TENM4: variants seen among roughly 807,000 people sequenced by gnomAD.
TENM4 encodes the protein teneurin transmembrane protein 4.
Under a neutral mutation model 243.3 loss-of-function variants are expected in TENM4, and 82 were observed. The ratio of observed to expected loss-of-function variants is 0.34; its 90% confidence interval spans 0.28 to 0.40. The LOEUF is 0.40. Ranked by LOEUF, TENM4 falls within the 10% of genes least tolerant of loss-of-function variation. TENM4 has a pLI of 1.00. For missense variants in TENM4, 3,138 were observed against 3,673.3 expected, an observed-to-expected ratio of 0.85 and a Z score of 3.77; for synonymous variants, 1,412 against 1,456.3, an observed-to-expected ratio of 0.97 and a Z score of 0.69.
At chr11:78,956,187 C>T (rs1857203906) in intron 6 of TENM4, among the ~76,000 whole-genome samples, 1 of 152,042 alleles carries the variant, frequency 6.6e-6, no homozygotes, top group Non-Finnish European at 1.5e-5. Context: ...ATACACAGGG[C>T]ACTGTGCTCA....
At chr11:79,141,505 T>C (rs188708369) in intron 4 of TENM4, among the ~76,000 whole-genome samples, 1 of 152,170 alleles carries the variant, frequency 6.6e-6, no homozygotes, top group Non-Finnish European at 1.5e-5. Flanking sequence ...ATAAAAAGTC[T>C]CTCAGCAAAG....
chr11:78,945,176 A>G (rs900850563), intron 6 of TENM4, among the ~76,000 whole-genome samples: 1 of 152,212 alleles, frequency 6.6e-6, no homozygotes, highest in African/African-American at 2.4e-5. Flanking sequence ...TATTTTTACA[A>G]ATTGAAGGTT....
At chr11:79,047,713 C>T (rs138495350) in intron 6 of TENM4, among the ~76,000 whole-genome samples, 3 of 152,040 alleles carry the variant, frequency 2.0e-5, no homozygotes, top group Non-Finnish European at 4.4e-5. Flanking sequence ...CGGAGTCAGG[C>T]GGGTATCTGT....
chr11:79,276,311 C>A (rs1268945089), intron 2 of TENM4, among the ~76,000 whole-genome samples: 1 of 152,254 alleles, frequency 6.6e-6, no homozygotes, highest in Non-Finnish European at 1.5e-5. Flanking sequence ...ACACTCTGCT[C>A]ACCCAGCCTT....
chr11:79,034,892 C>T (rs1358322776), intron 6 of TENM4, among the ~76,000 whole-genome samples: 1 of 152,160 alleles, frequency 6.6e-6, no homozygotes, highest in Non-Finnish European at 1.5e-5. Context: ...AGAACCTCTG[C>T]TCAAAACTGG....
At chr11:79,130,835 AC>A (rs1861988500) in intron 4 of TENM4, among the ~76,000 whole-genome samples, 2 of 152,140 alleles carry the variant, frequency 1.3e-5, no homozygotes, top group African/African-American at 2.4e-5. Context: ...AAAAGAAAAA[AC>A]AATCAAATTT....
intron 6 of TENM4, among the ~76,000 whole-genome samples, chr11:78,922,290 C>T (rs1233833369): frequency 6.6e-6 from 1 of 152,254 alleles, no homozygotes; most frequent in East Asian, 1.9e-4. Context: ...AGGAGGGCAG[C>T]CTATACCTTT....
intron 6 of TENM4, among the ~76,000 whole-genome samples, chr11:79,032,975 G>T (rs1859284767): frequency 1.3e-5 from 2 of 152,110 alleles, no homozygotes; most frequent in South Asian, 4.1e-4. Flanking sequence ...GGCTCAGCCA[G>T]AGAAGTGGGG....
intron 2 of TENM4, among the ~76,000 whole-genome samples, chr11:79,221,347 A>T (rs951295646): frequency 6.6e-6 from 1 of 151,410 alleles, no homozygotes; most frequent in Non-Finnish European, 1.5e-5. Flanking sequence ...TAGAATATGG[A>T]TTTTTTTTAA....
At chr11:78,667,056 G>T (rs1299952045) in intron 32 of TENM4, among the ~76,000 whole-genome samples, 1 of 152,146 alleles carries the variant, frequency 6.6e-6, no homozygotes, top group Non-Finnish European at 1.5e-5. Context: ...GGCAGGGGGT[G>T]TGCTTAATGC....
At chr11:79,418,618 C>T (rs1380939692) in intron 1 of TENM4, among the ~76,000 whole-genome samples, 1 of 152,190 alleles carries the variant, frequency 6.6e-6, no homozygotes, top group African/African-American at 2.4e-5. Flanking sequence ...ATATGCTATT[C>T]CCTGCAACTG....
At chr11:79,257,506 A>G (rs1422336501) in intron 2 of TENM4, among the ~76,000 whole-genome samples, 2 of 152,142 alleles carry the variant, frequency 1.3e-5, no homozygotes, top group Non-Finnish European at 2.9e-5. Context: ...AATAGAAACA[A>G]TGGCCAGCAA....
intron 10 of TENM4, among the ~76,000 whole-genome samples, chr11:78,857,351 A>G (rs1858704804): frequency 6.6e-6 from 1 of 152,164 alleles, no homozygotes; most frequent in South Asian, 2.1e-4. Flanking sequence ...CTTTTTGTAA[A>G]CAGCATTTGG....
intron 12 of TENM4, among the ~76,000 whole-genome samples, chr11:78,826,960 C>A (rs1857866838): frequency 6.6e-6 from 1 of 152,160 alleles, no homozygotes; most frequent in South Asian, 2.1e-4. Context: ...TCCGAGTATA[C>A]CACCCAGGCC....
chr11:79,439,684 C>CAT (rs1211360465), intron 1 of TENM4, among the ~76,000 whole-genome samples: 1 of 151,758 alleles, frequency 6.6e-6, no homozygotes, highest in African/African-American at 2.4e-5. Flanking sequence ...CACACACACA[C>CAT]ACACACACGC....
rs1855969967 is a variant in TENM4 at position 78,903,165 on chromosome 11, C to T, written c.749+103G>A. On this transcript the variant is annotated intron_variant, in intron 7 of 33. Transcript: ENST00000278550. ...TGCACCCAACCCCAGCTCCTCCGGC[C>T]GGCGTTATCTGGGGACACTGAATGG... 13 of 1,388,210 alleles carry T rather than the reference C, an allele frequency of 9.4e-6. No homozygotes were observed. In the East Asian group the frequency reaches 2.6e-4, roughly 28 times the overall value. The allele number at this position is 1,388,210 out of a possible 1,614,324, so 86.0% of individuals were successfully genotyped here.
chr11:79,105,032 G>C (rs1237743857), intron 4 of TENM4, among the ~76,000 whole-genome samples: 1 of 152,152 alleles, frequency 6.6e-6, no homozygotes, highest in East Asian at 1.9e-4. Flanking sequence ...ATACATTCAT[G>C]CATGTGCCAG....
At chr11:79,215,701 C>T (rs1016301825) in intron 3 of TENM4, 107 bp downstream of exon 3, 1 of 957,716 alleles carries the variant, frequency 1.0e-6, no homozygotes, top group African/African-American at 1.8e-5. Flanking sequence ...TCGTAAAAGC[C>T]TCCAACCAAA....
At chr11:79,386,892 T>C (rs538426608) in intron 1 of TENM4, among the ~76,000 whole-genome samples, 1 of 151,944 alleles carries the variant, frequency 6.6e-6, no homozygotes, top group East Asian at 1.9e-4. Context: ...CAGATACATA[T>C]CCTATAACCC....
Sources: gnomAD v4.1 joint callset for allele counts (sites outside exome capture counted in the v4.1 genomes callset) on GRCh38, gnomAD v4.1.1 for gene constraint, MANE v1.5 for transcripts, NCBI Gene and HGNC (gene_info 2026-07-23, HGNC 2026-07-21) for gene names.